Variants in ALDH1A2 observed in about 807,000 individuals in gnomAD.
ALDH1A2 encodes the protein aldehyde dehydrogenase 1 family member A2, also known as retinal dehydrogenase 2.
Under a neutral mutation model 60.3 loss-of-function variants are expected in ALDH1A2, and 27 were observed. That is an observed-to-expected ratio of 0.45 (90% confidence interval 0.33 to 0.62). The LOEUF is 0.62. ALDH1A2 is among the 20% of genes least tolerant of loss of function. The pLI is 0.02. For missense variants in ALDH1A2, 581 were observed against 643.8 expected (o/e 0.90, Z 1.06); for synonymous variants, 289 against 232.4 (o/e 1.24, Z -2.21).
intron 3 of ALDH1A2, 112 bp from the exon 4 acceptor site, chr15:58,010,890 G>C: frequency 7.4e-7 from 1 of 1,344,264 alleles, no homozygotes. Flanking sequence ...ATATGGAGTT[G>C]CATACCTGGT....
intron 4 of ALDH1A2, among the ~76,000 whole-genome samples, chr15:58,008,784 A>G (rs942694109): frequency 1.3e-5 from 2 of 152,104 alleles, no homozygotes; most frequent in Admixed American, 6.6e-5. Context: ...GGACAGGCCC[A>G]CCTAAAAAGA....
chr15:57,957,738 G>C (rs1596061919), intron 12 of ALDH1A2, among the ~76,000 whole-genome samples: 1 of 152,164 alleles, frequency 6.6e-6, no homozygotes, highest in Non-Finnish European at 1.5e-5. Context: ...AGTATTGGTA[G>C]CTCTTCGCCA....
intron 7 of ALDH1A2, among the ~76,000 whole-genome samples, chr15:57,987,875 A>C (rs1894759563): frequency 1.7e-5 from 2 of 118,114 alleles, no homozygotes; most frequent in Admixed American, 8.6e-5. Context: ...AGTGAGGCTG[A>C]CCCCTCAAAA....
At chr15:58,048,252 G>A (rs1370197614) in intron 1 of ALDH1A2, among the ~76,000 whole-genome samples, 1 of 152,018 alleles carries the variant, frequency 6.6e-6, no homozygotes, top group Admixed American at 6.6e-5. Context: ...GTAAGCAGCT[G>A]GGTATTTTAA....
At chr15:57,994,799 A>G (rs1234037278) in intron 5 of ALDH1A2, among the ~76,000 whole-genome samples, 1 of 152,166 alleles carries the variant, frequency 6.6e-6, no homozygotes, top group East Asian at 1.9e-4. Context: ...AATGGACATA[A>G]TAACCAAGGG....
chr15:57,997,935 C>T (rs1895119659), intron 4 of ALDH1A2, among the ~76,000 whole-genome samples: 1 of 151,804 alleles, frequency 6.6e-6, no homozygotes, highest in South Asian at 2.1e-4. Flanking sequence ...TGAACTCTTC[C>T]CAAAAGAGCA....
chr15:58,012,643 T>C (rs535629625), intron 3 of ALDH1A2, among the ~76,000 whole-genome samples: 1 of 152,276 alleles, frequency 6.6e-6, no homozygotes, highest in Non-Finnish European at 1.5e-5. Context: ...GAGTGCCAGA[T>C]TAGAAAATAT....
intron 9 of ALDH1A2, among the ~76,000 whole-genome samples, chr15:57,962,636 A>G (rs1893762346): frequency 6.6e-6 from 1 of 152,150 alleles, no homozygotes; most frequent in Non-Finnish European, 1.5e-5. Context: ...AGGAATTCCT[A>G]TTACACTTTT....
chr15:57,987,462 G>GT (rs1329460965), intron 7 of ALDH1A2, among the ~76,000 whole-genome samples: 5 of 152,150 alleles, frequency 3.3e-5, no homozygotes, highest in Non-Finnish European at 7.3e-5. Context: ...AATGATTGCT[G>GT]TATCTCATCA....
At chr15:58,052,207 A>G (rs564657410) in intron 1 of ALDH1A2, among the ~76,000 whole-genome samples, 24 of 152,218 alleles carry the variant, frequency 1.6e-4, no homozygotes, top group African/African-American at 5.5e-4. Flanking sequence ...AGTATTTTCA[A>G]CAAAACTGTT....
intron 3 of ALDH1A2, among the ~76,000 whole-genome samples, chr15:58,011,406 T>C (rs377192928): frequency 6.6e-6 from 1 of 152,182 alleles, no homozygotes; most frequent in East Asian, 1.9e-4. Context: ...AATAGCAATA[T>C]TGAACTGCTT....
intron 7 of ALDH1A2, among the ~76,000 whole-genome samples, chr15:57,974,022 G>A (rs992325186): frequency 4.6e-5 from 7 of 152,048 alleles, no homozygotes; most frequent in African/African-American, 1.7e-4. Context: ...ATAGGTAGTT[G>A]TTAATGTTTT....
intron 1 of ALDH1A2, among the ~76,000 whole-genome samples, chr15:58,047,421 G>C (rs1260218404): frequency 6.6e-6 from 1 of 151,818 alleles, no homozygotes; most frequent in African/African-American, 2.4e-5. Flanking sequence ...ACAATATAAG[G>C]AAGTAGTTTG....
At chr15:57,995,216 G>GTAAA in intron 4 of ALDH1A2, 77 bp from the exon 5 acceptor site, 1 of 283,680 alleles carries the variant, frequency 3.5e-6, no homozygotes. Context: ...TTTGGTGGCT[G>GTAAA]CAAAAAAAAA....
intron 1 of ALDH1A2, among the ~76,000 whole-genome samples, chr15:58,021,991 G>A (rs1895941849): frequency 6.6e-6 from 1 of 152,276 alleles, no homozygotes; most frequent in East Asian, 1.9e-4. Context: ...CATGAAAGAG[G>A]CACAATTCCC....
At chr15:58,064,978 G>T (rs1307040373) in intron 1 of ALDH1A2, among the ~76,000 whole-genome samples, 2 of 152,242 alleles carry the variant, frequency 1.3e-5, no homozygotes, top group African/African-American at 4.8e-5. Context: ...GCTGACGTTG[G>T]AGTTACTGTA....
At position 58,033,924 on chromosome 15, in the gene ALDH1A2, G is replaced by C. The variant is rs114095944; in HGVS notation, c.118-19643C>G. 6.2e-3 allele frequency among the ~76,000 whole-genome samples: 928 copies of C among 150,582 alleles called. 13 individuals carry two copies. The highest frequency in any genetic ancestry group is 0.021 in the African/African-American group (849 of 41,124). On this transcript the variant is annotated intron_variant, in intron 1 of 12. Transcript: ENST00000249750. ...TAACTCTTCAAATTGGATAGTATCA[G>C]TCCTCCTCTTTTGTTCTTTTCCTTC...
intron 4 of ALDH1A2, among the ~76,000 whole-genome samples, chr15:58,003,980 T>C (rs1286873414): frequency 6.6e-6 from 1 of 151,890 alleles, no homozygotes; most frequent in East Asian, 1.9e-4. Context: ...ATCAAGACTC[T>C]TGTGAATCAA....
At chr15:57,984,180 T>C (rs1409411925) in intron 7 of ALDH1A2, among the ~76,000 whole-genome samples, 1 of 152,182 alleles carries the variant, frequency 6.6e-6, no homozygotes, top group African/African-American at 2.4e-5. Context: ...CTAACTAGCA[T>C]GTAACCCTGG....
Sources: allele counts gnomAD v4.1 joint callset (sites outside exome capture counted in the v4.1 genomes callset), GRCh38; gene constraint gnomAD v4.1.1; transcripts MANE v1.5; gene names NCBI Gene and HGNC (gene_info 2026-07-23, HGNC 2026-07-21).